SERPINI1: variants seen among roughly 807,000 people sequenced by gnomAD.
SERPINI1 encodes the protein neuroserpin.
SERPINI1 carries 19 observed loss-of-function variants against 41.1 expected under a neutral mutation model. The ratio of observed to expected loss-of-function variants is 0.46; its 90% CI spans 0.32 to 0.68. The LOEUF is 0.68. SERPINI1 is among the 30% of genes least tolerant of loss of function. SERPINI1 has a pLI of 0.03. For synonymous variants in SERPINI1, 138 were observed against 156.6 expected, an observed-to-expected ratio of 0.88 and a Z score of 0.89; for missense variants, 460 against 479.2, an observed-to-expected ratio of 0.96 and a Z score of 0.37.
At chr3:167,792,928 C>G (rs1014132720) in intron 4 of SERPINI1, 144 bp downstream of exon 4, 3 of 686,544 alleles carry the variant, frequency 4.4e-6, no homozygotes, top group East Asian at 2.7e-5. Flanking sequence ...TAAAAACCCT[C>G]TAATTAGTTT....
chr3:167,759,933 A>G (rs1344885840), intron 1 of SERPINI1, among the ~76,000 whole-genome samples: 6 of 152,176 alleles, frequency 3.9e-5, no homozygotes, highest in Admixed American at 6.5e-5. Context: ...GCATTCCAAG[A>G]GACAGACATT....
chr3:167,775,568 C>G (rs1022439633), intron 1 of SERPINI1, among the ~76,000 whole-genome samples: 1 of 152,066 alleles, frequency 6.6e-6, no homozygotes, highest in Non-Finnish European at 1.5e-5. Context: ...TTTAGACTTT[C>G]AGGGACACAG....
intron 6 of SERPINI1, among the ~76,000 whole-genome samples, chr3:167,816,444 T>C (rs1305650251): frequency 6.6e-6 from 1 of 152,208 alleles, no homozygotes; most frequent in East Asian, 1.9e-4. Context: ...CAAAGTCTTA[T>C]AATATGAAAT....
chr3:167,764,619 A>G (rs1726501560), intron 1 of SERPINI1, among the ~76,000 whole-genome samples: 1 of 152,152 alleles, frequency 6.6e-6, no homozygotes. Flanking sequence ...CAAATCTGAC[A>G]TCCTAACATT....
At chr3:167,742,741 T>A (rs1725719629) in intron 1 of SERPINI1, among the ~76,000 whole-genome samples, 2 of 152,140 alleles carry the variant, frequency 1.3e-5, no homozygotes, top group Admixed American at 1.3e-4. Flanking sequence ...GTCAGTAGTT[T>A]CAGCCATAGT....
intron 6 of SERPINI1, among the ~76,000 whole-genome samples, chr3:167,814,452 G>A (rs1712002066): frequency 6.6e-6 from 1 of 152,152 alleles, no homozygotes; most frequent in Non-Finnish European, 1.5e-5. Context: ...AAAATATTTT[G>A]GCAACTAAAG....
chr3:167,754,346 C>T (rs1315676420), intron 1 of SERPINI1, among the ~76,000 whole-genome samples: 2 of 152,218 alleles, frequency 1.3e-5, no homozygotes, highest in Non-Finnish European at 2.9e-5. Flanking sequence ...ATGAAAGTGT[C>T]TCTTAAAGCC....
chr3:167,794,366 A>G (rs1727644344), intron 4 of SERPINI1, among the ~76,000 whole-genome samples: 1 of 152,120 alleles, frequency 6.6e-6, no homozygotes, highest in African/African-American at 2.4e-5. Flanking sequence ...TATATTCTAT[A>G]TACTATTTGG....
chr3:167,824,444 CAT>C (rs755913578), intron 7 of SERPINI1, 27 bp from the exon 8 acceptor site: 3 of 1,537,266 alleles, frequency 2.0e-6, no homozygotes, highest in African/African-American at 2.7e-5. Context: ...CATCCACAGA[CAT>C]ATAATTACTT....
intron 5 of SERPINI1, among the ~76,000 whole-genome samples, chr3:167,806,488 TA>T (rs576427944): frequency 1.3e-4 from 20 of 150,078 alleles, no homozygotes; most frequent in African/African-American, 3.4e-4. Flanking sequence ...GAACTTAAAG[TA>T]AAAAAAAAAT....
rs750179466 is a variant in SERPINI1 at position 167,794,678 on chromosome 3, A to G, written c.735A>G (p.Pro245=). 6.2e-7 allele frequency: 1 copy of G among 1,613,686 alleles called. No homozygotes were observed. The highest frequency in any genetic ancestry group is 8.5e-7 in the Non-Finnish European group (1 of 1,179,818). ...AGGIYQVLEI[P]YEGDEISMML... is the part of the protein sequence containing the mutation. ...GTATCTACCAAGTCCTAGAAATACC[A>G]TATGAAGGAGATGAAATAAGCATGA... The change falls in exon 5 of 9, where the codon CCA becomes CCG. Residue 245 remains proline, a synonymous_variant. Transcript: ENST00000446050.
intron 1 of SERPINI1, among the ~76,000 whole-genome samples, chr3:167,768,497 A>C (rs1726636397): frequency 6.6e-6 from 1 of 152,232 alleles, no homozygotes; most frequent in South Asian, 2.1e-4. Context: ...TACTCAATTC[A>C]AAACTGAAGA....
intron 6 of SERPINI1, among the ~76,000 whole-genome samples, chr3:167,817,818 C>T (rs1712162265): frequency 6.6e-6 from 1 of 151,694 alleles, no homozygotes; most frequent in Non-Finnish European, 1.5e-5. Context: ...CCAGGGTGGT[C>T]CCGATCTCCT....
intron 1 of SERPINI1, among the ~76,000 whole-genome samples, chr3:167,766,572 T>A (rs556385359): frequency 3.3e-5 from 5 of 152,342 alleles, no homozygotes; most frequent in Admixed American, 1.3e-4. Context: ...AAAGCTGAGA[T>A]AGGCCAAAAG....
chr3:167,743,356 G>C (rs1203953764), intron 1 of SERPINI1, among the ~76,000 whole-genome samples: 1 of 152,108 alleles, frequency 6.6e-6, no homozygotes, highest in African/African-American at 2.4e-5. Flanking sequence ...TGATACTCAT[G>C]GTTTTGGTGA....
At chr3:167,752,343 G>C (rs1726071656) in intron 1 of SERPINI1, among the ~76,000 whole-genome samples, 1 of 152,094 alleles carries the variant, frequency 6.6e-6, no homozygotes, top group Admixed American at 6.6e-5. Context: ...CAAAATTCAT[G>C]ATCCCCTATC....
At chr3:167,802,064 G>T (rs1577426649) in intron 5 of SERPINI1, among the ~76,000 whole-genome samples, 1 of 152,034 alleles carries the variant, frequency 6.6e-6, no homozygotes, top group African/African-American at 2.4e-5. Flanking sequence ...GGGGAAACTG[G>T]CTAGCCATAT....
In SERPINI1 at chr3:167,789,121, G is replaced by C; in HGVS notation, c.-8G>C. ...ATTGTTGTTTTTTAGGCTTGAAACT[G>C]TTACAATATGGCTTTCCTTGGACTC... On this transcript the variant is annotated 5_prime_UTR_variant, in exon 2 of 9. Coordinates refer to ENST00000446050, the MANE Select transcript of SERPINI1 (RefSeq NM_001122752.2). The C allele has an allele frequency of 6.2e-7, 1 of 1,613,578 alleles. No homozygotes were observed. Among genetic ancestry groups the C allele is most frequent in the Non-Finnish European group, 8.5e-7 (1 of 1,179,934 alleles).
intron 5 of SERPINI1, among the ~76,000 whole-genome samples, chr3:167,800,281 C>T (rs1409074952): frequency 6.6e-6 from 1 of 152,052 alleles, no homozygotes; most frequent in Non-Finnish European, 1.5e-5. Context: ...ATGTAAAACA[C>T]CCAAAAAGCA....
Sources: gnomAD v4.1 joint callset for allele counts (sites outside exome capture counted in the v4.1 genomes callset) on GRCh38, gnomAD v4.1.1 for gene constraint, MANE v1.5 for transcripts, NCBI Gene and HGNC (gene_info 2026-07-23, HGNC 2026-07-21) for gene names.